The following CACNA2D3 variants were observed in gnomAD, a reference collection of about 807,000 sequenced individuals.
CACNA2D3 encodes calcium voltage-gated channel auxiliary subunit alpha2delta 3.
A neutral mutation model predicts 160.6 loss-of-function variants in CACNA2D3; 60 were observed. That is an observed-to-expected ratio of 0.37 (90% CI 0.30 to 0.46). The LOEUF is 0.46. CACNA2D3 is among the 20% of genes least tolerant of loss of function. CACNA2D3 has a pLI of 1.00. For synonymous variants in CACNA2D3, 558 were observed against 492.9 expected (o/e 1.13, Z -1.75); for missense variants, 1,205 against 1,365.0 (o/e 0.88, Z 1.85).
chr3:54,759,335 A>G (rs7633762), intron 12 of CACNA2D3, among the ~76,000 whole-genome samples: 140,860 of 152,174 alleles, frequency 0.93, 65,457 homozygotes, highest in Non-Finnish European at 0.94. Context: ...AAAAACAGAG[A>G]GAAAGGGGAG....
chr3:54,616,879 A>C (rs971238550), intron 9 of CACNA2D3, among the ~76,000 whole-genome samples: 1 of 152,146 alleles, frequency 6.6e-6, no homozygotes, highest in Non-Finnish European at 1.5e-5. Flanking sequence ...GATTGAACTC[A>C]TGAGGACTCA....
chr3:54,685,493 A>G (rs1033859968), intron 11 of CACNA2D3, among the ~76,000 whole-genome samples: 4 of 152,210 alleles, frequency 2.6e-5, no homozygotes, highest in South Asian at 2.1e-4. Context: ...CAGTCAGTCA[A>G]TCTGATTACT....
At chr3:54,975,375 T>C (rs978415078) in intron 29 of CACNA2D3, among the ~76,000 whole-genome samples, 1 of 151,948 alleles carries the variant, frequency 6.6e-6, no homozygotes, top group Non-Finnish European at 1.5e-5. Flanking sequence ...AAAAATTAGC[T>C]AGGCATTGGG....
intron 2 of CACNA2D3, among the ~76,000 whole-genome samples, chr3:54,147,771 A>G (rs1425767925): frequency 3.3e-5 from 5 of 152,176 alleles, no homozygotes; most frequent in Admixed American, 2.0e-4. Context: ...GGCTTTTCCA[A>G]AGGCTTCAGA....
chr3:54,810,920 C>A (rs185669162), intron 13 of CACNA2D3, among the ~76,000 whole-genome samples: 1 of 152,134 alleles, frequency 6.6e-6, no homozygotes, highest in Non-Finnish European at 1.5e-5. Flanking sequence ...TTATCAGGGC[C>A]TCAGATCTCT....
intron 27 of CACNA2D3, among the ~76,000 whole-genome samples, chr3:54,940,430 G>C (rs901657174): frequency 6.6e-6 from 1 of 152,122 alleles, no homozygotes; most frequent in African/African-American, 2.4e-5. Context: ...AAATTAAACT[G>C]TTCCTCACTG....
chr3:54,464,480 G>A (rs759664922), intron 4 of CACNA2D3, among the ~76,000 whole-genome samples: 95 of 152,350 alleles, frequency 6.2e-4, no homozygotes, highest in Non-Finnish European at 1.0e-3. Context: ...GGGCAATGGC[G>A]AGCGCCCCTC....
In CACNA2D3 at chr3:54,677,562, T is replaced by A. The variant is rs571592279; in HGVS notation, c.1167+35321T>A. ...ATATATAGAGTGAGTAGATGAAAAT[T>A]TGATTAATGCTTGAAACAATTAAAA... On this transcript the variant is annotated intron_variant, in intron 11 of 37. Transcript: ENST00000474759. Among the ~76,000 whole-genome samples, 33 of 151,546 alleles carry A rather than the reference T, an allele frequency of 2.2e-4. No individual in the cohort carries two copies. In the East Asian group the frequency reaches 6.0e-3, roughly 28 times the overall value.
At chr3:54,798,935 C>T (rs1300355569) in intron 13 of CACNA2D3, among the ~76,000 whole-genome samples, 2 of 152,222 alleles carry the variant, frequency 1.3e-5, no homozygotes, top group African/African-American at 4.8e-5. Context: ...CTTCCTTAAA[C>T]TTCCTGCCTT....
rs111993202 is a variant in CACNA2D3 at position 54,949,917 on chromosome 3, G to A, written c.2450-18533G>A. 3.0e-3 allele frequency among the ~76,000 whole-genome samples: 462 copies of A among 152,292 alleles called. 1 individual carries two copies. Among genetic ancestry groups the A allele is most frequent in the African/African-American group, 0.011 (449 of 41,556 alleles). On this transcript the variant is annotated intron_variant, in intron 27 of 37. Coordinates refer to ENST00000474759, the MANE Select transcript of CACNA2D3 (RefSeq NM_018398.3). ...GGCATTATTCATGTCTAGTCTACCT[G>A]AGGGCCACCCCAAATAATGTTTCTC...
At position 54,821,991 on chromosome 3, in the gene CACNA2D3, C is replaced by T. The variant is rs560076109; in HGVS notation, c.1398+5121C>T. 1.1e-4 allele frequency among the ~76,000 whole-genome samples: 17 copies of T among 152,216 alleles called. No homozygotes were observed. The East Asian group carries it at 2.3e-3, about 21-fold the overall frequency. ...TGTTTCATTACAGTTATATAACCAT[C>T]TAAACTGATGCAAATGAAGTGCAAA... On this transcript the variant is annotated intron_variant, in intron 14 of 37. Coordinates refer to ENST00000474759, the MANE Select transcript of CACNA2D3 (RefSeq NM_018398.3).
At chr3:54,426,961 C>T (rs1296394683) in intron 4 of CACNA2D3, among the ~76,000 whole-genome samples, 1 of 151,816 alleles carries the variant, frequency 6.6e-6, no homozygotes, top group African/African-American at 2.4e-5. Context: ...CTTCCTTGAC[C>T]CTTCCTTGTT....
At chr3:54,255,223 G>A (rs1206254646) in intron 2 of CACNA2D3, among the ~76,000 whole-genome samples, 2 of 152,168 alleles carry the variant, frequency 1.3e-5, no homozygotes, top group East Asian at 3.8e-4. Flanking sequence ...CGTTAAAACC[G>A]TCTAAGCCTT....
chr3:54,383,572 G>A (rs1309807822), intron 3 of CACNA2D3, among the ~76,000 whole-genome samples: 1 of 152,164 alleles, frequency 6.6e-6, no homozygotes, highest in African/African-American at 2.4e-5. Context: ...GATGGAGAAG[G>A]AAATATGTGG....
chr3:54,799,964 T>C (rs1462599310), intron 13 of CACNA2D3, among the ~76,000 whole-genome samples: 1 of 152,212 alleles, frequency 6.6e-6, no homozygotes, highest in Non-Finnish European at 1.5e-5. Flanking sequence ...TAGACCTACA[T>C]TGGCTCCAAG....
chr3:54,880,700 G>A, intron 20 of CACNA2D3, 96 bp from the exon 21 acceptor site: 1 of 1,054,440 alleles, frequency 9.5e-7, no homozygotes, highest in South Asian at 1.3e-5. Context: ...ATCATAAAAT[G>A]GAAATGTGAA....
rs1309842469 is a variant in CACNA2D3, at chr3:54,572,741, G to C, written c.888+2637G>C. On this transcript the variant is annotated intron_variant, in intron 8 of 37. Coordinates refer to ENST00000474759, the MANE Select transcript of CACNA2D3 (RefSeq NM_018398.3). ...CCAGCCTAGTGGTGAGAATGCAAGT[G>C]TGGCTTGATCCCCACACATCCTGAA... 2.0e-5 allele frequency among the ~76,000 whole-genome samples: 3 copies of C among 152,228 alleles called. No homozygotes were observed. The East Asian group carries it at 5.8e-4, about 29-fold the overall frequency.
At chr3:54,271,029 G>A (rs927696585) in intron 2 of CACNA2D3, among the ~76,000 whole-genome samples, 3 of 152,182 alleles carry the variant, frequency 2.0e-5, no homozygotes, top group Non-Finnish European at 2.9e-5. Flanking sequence ...CAGGAGGGCT[G>A]CATCTCATTT....
At chr3:54,524,454 G>A (rs1009832792) in intron 5 of CACNA2D3, among the ~76,000 whole-genome samples, 27 of 152,010 alleles carry the variant, frequency 1.8e-4, no homozygotes, top group Admixed American at 9.8e-4. Context: ...CCACGTGCAC[G>A]TGAGAAGAAT....
Sources: allele counts gnomAD v4.1 joint callset (sites outside exome capture counted in the v4.1 genomes callset), GRCh38; gene constraint gnomAD v4.1.1; transcripts MANE v1.5; gene names NCBI Gene and HGNC (gene_info 2026-07-23, HGNC 2026-07-21).